The following TRAPPC9 variants were observed in gnomAD, a reference collection of about 807,000 sequenced individuals.
TRAPPC9 encodes the protein IKK2 binding protein.
In TRAPPC9, 83 loss-of-function variants were observed where a neutral mutation model predicts 124.0. That is an observed-to-expected ratio of 0.67 (90% CI 0.56 to 0.80). The LOEUF is 0.80. Among genes scored for constraint, TRAPPC9 ranks in the 30% least tolerant of loss-of-function variants. TRAPPC9 has a pLI of 0.00. For missense variants in TRAPPC9, 1,302 were observed against 1,508.3 expected (o/e 0.86, Z 2.27); for synonymous variants, 638 against 617.5 (o/e 1.03, Z -0.49).
chr8:140,025,709 A>G (rs775808386), intron 17 of TRAPPC9, among the ~76,000 whole-genome samples: 1 of 152,354 alleles, frequency 6.6e-6, no homozygotes. Flanking sequence ...GAAGTCGCTC[A>G]TTAAATAAAT....
At chr8:139,810,802 C>A (rs1204995975) in intron 21 of TRAPPC9, among the ~76,000 whole-genome samples, 2 of 149,160 alleles carry the variant, frequency 1.3e-5, no homozygotes, top group Admixed American at 1.3e-4. Flanking sequence ...TCTCCTCTGG[C>A]CAGGCCAGAG....
At chr8:140,446,586 TC>T (rs2071268250) in intron 2 of TRAPPC9, among the ~76,000 whole-genome samples, 1 of 151,920 alleles carries the variant, frequency 6.6e-6, no homozygotes, top group Non-Finnish European at 1.5e-5. Context: ...GGAGTTTCGC[TC>T]TTGTCGCCCA....
chr8:139,745,965 T>A (rs1277216967), intron 21 of TRAPPC9, among the ~76,000 whole-genome samples: 1 of 152,246 alleles, frequency 6.6e-6, no homozygotes, highest in African/African-American at 2.4e-5. Flanking sequence ...CCTGCTCACT[T>A]GATGGACAAG....
intron 21 of TRAPPC9, among the ~76,000 whole-genome samples, chr8:139,790,803 C>T (rs2130600601): frequency 6.6e-6 from 1 of 152,210 alleles, no homozygotes; most frequent in South Asian, 2.1e-4. Flanking sequence ...GGAGGTGGGG[C>T]CTGGTGTAAG....
intron 21 of TRAPPC9, among the ~76,000 whole-genome samples, chr8:139,738,786 C>A (rs1818366753): frequency 2.0e-5 from 3 of 152,216 alleles, no homozygotes; most frequent in Admixed American, 2.0e-4. Flanking sequence ...AGGGCCACCA[C>A]TTCCCAGGCC....
At chr8:140,160,400 C>T (rs1249965324) in intron 17 of TRAPPC9, among the ~76,000 whole-genome samples, 5 of 152,124 alleles carry the variant, frequency 3.3e-5, no homozygotes, top group African/African-American at 9.7e-5. Context: ...CCAACCCAAA[C>T]GTCCATCAAT....
Position 140,275,598 on chromosome 8 carries a change from T to C in TRAPPC9, c.2278+60A>G, listed in dbSNP as rs146214136. 5.0e-4 allele frequency: 775 copies of C among 1,542,096 alleles called. 2 individuals carry two copies. In the African/African-American group the frequency reaches 9.0e-3, roughly 18 times the overall value. ...CTCTGAAAACTGAGAATTTAAAGTA[T>C]CTCTTCTACAAGTAAACAATACAAA... On this transcript the variant is annotated intron_variant, in intron 15 of 22. Transcript: ENST00000438773.
intron 17 of TRAPPC9, among the ~76,000 whole-genome samples, chr8:140,162,111 T>G (rs2061761584): frequency 6.6e-6 from 1 of 152,186 alleles, no homozygotes; most frequent in Admixed American, 6.5e-5. Flanking sequence ...TACCACTCTA[T>G]TTCTGTAAAT....
intron 9 of TRAPPC9, among the ~76,000 whole-genome samples, chr8:140,327,070 T>C (rs2066757590): frequency 6.6e-6 from 1 of 151,940 alleles, no homozygotes; most frequent in Non-Finnish European, 1.5e-5. Flanking sequence ...CTGACCAATA[T>C]GGTGAAACCC....
rs776337339 is a variant in TRAPPC9 at position 140,023,912 on chromosome 8, G to A, written c.2699+25C>T. 31 of 1,613,682 alleles carry A rather than the reference G, an allele frequency of 1.9e-5. No homozygotes were observed. The East Asian group carries it at 3.3e-4, about 17-fold the overall frequency. On this transcript the variant is annotated intron_variant, in intron 18 of 22. Coordinates refer to ENST00000438773, the MANE Select transcript of TRAPPC9 (RefSeq NM_001160372.4). The stretch of plus-strand genomic sequence containing the variant: ...TGCTGTTGAGACTCTAGAACAAGAC[G>A]GCTGTGCGGCAGGAAGACATTTACC...
chr8:140,028,197 T>C (rs1332795938), intron 17 of TRAPPC9, among the ~76,000 whole-genome samples: 2 of 152,110 alleles, frequency 1.3e-5, no homozygotes, highest in East Asian at 1.9e-4. Context: ...AGCTGGGAAG[T>C]GGAAAGACAC....
intron 21 of TRAPPC9, among the ~76,000 whole-genome samples, chr8:139,786,949 T>C (rs1030115440): frequency 6.6e-6 from 1 of 152,132 alleles, no homozygotes; most frequent in African/African-American, 2.4e-5. Context: ...CTCCGTCCAA[T>C]CTTGGTGGTG....
At chr8:140,037,467 A>T (rs1389835561) in intron 17 of TRAPPC9, among the ~76,000 whole-genome samples, 2 of 152,120 alleles carry the variant, frequency 1.3e-5, no homozygotes, top group African/African-American at 4.8e-5. Flanking sequence ...CAGATAAACC[A>T]TCACTGGCCC....
chr8:139,930,827 G>A (rs921132620), intron 19 of TRAPPC9, among the ~76,000 whole-genome samples: 1 of 152,176 alleles, frequency 6.6e-6, no homozygotes, highest in Non-Finnish European at 1.5e-5. Flanking sequence ...CGAAAACGGG[G>A]CCACCCAAGG....
At chr8:140,116,553 T>G (rs2060890987) in intron 17 of TRAPPC9, among the ~76,000 whole-genome samples, 1 of 152,216 alleles carries the variant, frequency 6.6e-6, no homozygotes, top group Admixed American at 6.5e-5. Context: ...TTATTGATGC[T>G]GATGCCTGTA....
chr8:140,009,564 C>A (rs1838983172), intron 18 of TRAPPC9, among the ~76,000 whole-genome samples: 1 of 152,218 alleles, frequency 6.6e-6, no homozygotes. Flanking sequence ...AGCCACCACA[C>A]CTCCTGTGAA....
chr8:139,736,948 G>A (rs1244240217), intron 21 of TRAPPC9, among the ~76,000 whole-genome samples: 1 of 152,224 alleles, frequency 6.6e-6, no homozygotes. Flanking sequence ...GAGAAGAGAA[G>A]CCAGGGCCAC....
At chr8:139,733,819 TCTGTTCTGTGG>T (rs1487366601) in intron 21 of TRAPPC9, among the ~76,000 whole-genome samples, 1 of 152,178 alleles carries the variant, frequency 6.6e-6, no homozygotes, top group Non-Finnish European at 1.5e-5. Context: ...GCCCTTGACC[TCTGTTCTGTGG>T]CTGCAAGGAG....
chr8:140,382,734 C>A (rs1377090019), intron 7 of TRAPPC9, among the ~76,000 whole-genome samples: 1 of 152,208 alleles, frequency 6.6e-6, no homozygotes, highest in African/African-American at 2.4e-5. Flanking sequence ...CCTCTGGGGA[C>A]AGGGCATAGC....
Sources: gnomAD v4.1 joint callset for allele counts (sites outside exome capture counted in the v4.1 genomes callset) on GRCh38, gnomAD v4.1.1 for gene constraint, MANE v1.5 for transcripts, NCBI Gene and HGNC (gene_info 2026-07-23, HGNC 2026-07-21) for gene names.